The following TTC7A variants were observed in gnomAD, a reference collection of about 807,000 sequenced individuals.
TTC7A encodes tetratricopeptide repeat protein 7A.
TTC7A carries 110 observed loss-of-function variants against 103.7 expected under a neutral mutation model. The observed-to-expected ratio is 1.06, with a 90% CI of 0.91 to 1.24. The LOEUF (loss-of-function observed/expected upper bound fraction) is 1.24. TTC7A is among the 50% of genes most tolerant of loss of function. The pLI, the probability that TTC7A is intolerant of heterozygous loss-of-function variation, is 0.00. For missense variants in TTC7A, 1,340 were observed against 1,116.3 expected (o/e 1.20, Z -2.86); for synonymous variants, 521 against 467.9 (o/e 1.11, Z -1.47).
chr2:47,001,871 A>T (rs1457548462), intron 8 of TTC7A, among the ~76,000 whole-genome samples: 1 of 151,970 alleles, frequency 6.6e-6, no homozygotes, highest in East Asian at 1.9e-4. Flanking sequence ...AAAAAAAAAA[A>T]AAAAAAAAGA....
At chr2:47,068,742 T>G (rs1434552497) in intron 19 of TTC7A, 2 of 151,510 alleles carry the variant, frequency 1.3e-5, no homozygotes, top group African/African-American at 4.9e-5. Flanking sequence ...TGGGAAAACC[T>G]TAAGCTGATA....
chr2:47,042,960 TC>T (rs2104681361), intron 15 of TTC7A, among the ~76,000 whole-genome samples: 1 of 152,162 alleles, frequency 6.6e-6, no homozygotes, highest in Admixed American at 6.5e-5. Flanking sequence ...CCCCCCAGCT[TC>T]CCCCAGGAGT....
intron 18 of TTC7A, among the ~76,000 whole-genome samples, chr2:47,057,121 AGGAGCC>A (rs1683388450): frequency 6.6e-6 from 1 of 152,228 alleles, no homozygotes; most frequent in Non-Finnish European, 1.5e-5. Context: ...AGCGTCGAGC[AGGAGCC>A]GAAGGCATCT....
At chr2:46,944,935 A>G (rs1252761866) in intron 1 of TTC7A, among the ~76,000 whole-genome samples, 2 of 152,190 alleles carry the variant, frequency 1.3e-5, no homozygotes, top group African/African-American at 4.8e-5. Context: ...TAGAGTCAGG[A>G]TCCAAATTAG....
chr2:47,043,371 C>G (rs1681972633), intron 15 of TTC7A, among the ~76,000 whole-genome samples: 1 of 152,172 alleles, frequency 6.6e-6, no homozygotes, highest in African/African-American at 2.4e-5. Context: ...AGGGCGACAT[C>G]TGGTTAGGAG....
chr2:47,050,140 C>G, intron 17 of TTC7A, 94 bp downstream of exon 17: 2 of 1,080,394 alleles, frequency 1.9e-6, no homozygotes, highest in Non-Finnish European at 2.8e-6. Context: ...CGGGCCCTCT[C>G]CCAGCCGGGC....
Position 47,006,623 on chromosome 2 carries a change from ACTAT to A in TTC7A, c.1204-15_1204-12del. The A allele has an allele frequency of 6.2e-7, 1 of 1,610,726 alleles. No homozygotes were observed. Among genetic ancestry groups the A allele is most frequent in the Non-Finnish European group, 8.5e-7 (1 of 1,176,930 alleles). ...GAGGACCCCTGGTGGGTAAATGCTG[ACTAT>A]CTCCCCTCCCCAGTGCCTGGAGCGA... On this transcript the variant is annotated splice_polypyrimidine_tract_variant and intron_variant, in intron 9 of 19. Transcript: ENST00000319190.
At chr2:47,051,995 G>C (rs919344861) in intron 18 of TTC7A, 115 bp downstream of exon 18, 2 of 1,358,262 alleles carry the variant, frequency 1.5e-6, no homozygotes, top group Admixed American at 4.8e-5. Flanking sequence ...CTAGGCCCAC[G>C]CGGGTTACAG....
At chr2:46,947,957 C>A (rs1671072548) in intron 1 of TTC7A, among the ~76,000 whole-genome samples, 1 of 152,232 alleles carries the variant, frequency 6.6e-6, no homozygotes, top group South Asian at 2.1e-4. Flanking sequence ...GCACTTGGAG[C>A]AGCCTGGGTC....
At chr2:46,993,709 TC>T (rs1235744945) in intron 6 of TTC7A, among the ~76,000 whole-genome samples, 181 bp downstream of exon 6, 3 of 152,058 alleles carry the variant, frequency 2.0e-5, no homozygotes, top group African/African-American at 7.2e-5. Flanking sequence ...GCGGCCTCTT[TC>T]CCCCCGCGGC....
chr2:46,947,009 A>G (rs1671002926), intron 1 of TTC7A, among the ~76,000 whole-genome samples: 1 of 152,202 alleles, frequency 6.6e-6, no homozygotes, highest in Admixed American at 6.5e-5. Flanking sequence ...TGAAGTGTCA[A>G]TCAACAAAGT....
chr2:46,989,807 T>A (rs1336290556), intron 5 of TTC7A, among the ~76,000 whole-genome samples: 2 of 106,982 alleles, frequency 1.9e-5, no homozygotes, highest in East Asian at 4.9e-4. Flanking sequence ...TGCGTGTGTG[T>A]GTGTGTGTGC....
intron 4 of TTC7A, among the ~76,000 whole-genome samples, chr2:46,977,377 T>C (rs966588207): frequency 3.3e-5 from 5 of 152,064 alleles, no homozygotes; most frequent in African/African-American, 1.2e-4. Flanking sequence ...AAAGAGGAGG[T>C]GGATGCCTCA....
chr2:46,987,807 CGCGTGT>C (rs1675174729), intron 5 of TTC7A, among the ~76,000 whole-genome samples: 2 of 110,038 alleles, frequency 1.8e-5, no homozygotes, highest in African/African-American at 6.9e-5. Context: ...TCCCTTTCCG[CGCGTGT>C]GTGTGTGTGT....
In TTC7A at chr2:47,074,162, TGTG is replaced by T. The variant is rs767746249; in HGVS notation, c.*243_*245del. ...AACCCTAAGTGCCTTTGGAGAGTTT[TGTG>T]GTGACCAGACTTGCTCCCCAAGAGC... On this transcript the variant is annotated 3_prime_UTR_variant, in exon 20 of 20. Transcript: ENST00000319190. The T allele has an allele frequency of 2.2e-5, 12 of 557,288 alleles. No individual in the cohort carries two copies. Among genetic ancestry groups the T allele is most frequent in the Non-Finnish European group, 3.5e-5 (11 of 310,954 alleles). The allele number at this position is 557,288 out of a possible 1,614,324, so 34.5% of individuals were successfully genotyped here.
chr2:47,046,319 ATGT>A lies in TTC7A; in HGVS notation c.1809_1811del (p.Met603_Phe604delinsIle). Reference sequence around the variant, plus strand: ...GGCCACTCTCCGTCCCCACAGCCTGATGTTCACCAAGGTGAAGCTGGAGCAGGT... The same window carrying A: ...GGCCACTCTCCGTCCCCACAGCCTGATCACCAAGGTGAAGCTGGAGCAGGT... On this transcript the variant is annotated inframe_deletion, in exon 16 of 20. Coordinates refer to ENST00000319190, the MANE Select transcript of TTC7A (RefSeq NM_020458.4). 2 of 1,613,772 alleles carry A rather than the reference ATGT, an allele frequency of 1.2e-6. No individual in the cohort carries two copies. The highest frequency in any genetic ancestry group is 1.7e-6 in the Non-Finnish European group (2 of 1,179,828).
intron 1 of TTC7A, among the ~76,000 whole-genome samples, chr2:46,948,916 A>T (rs182491856): frequency 9.2e-5 from 14 of 152,312 alleles, no homozygotes; most frequent in Non-Finnish European, 1.8e-4. Flanking sequence ...ATTCCTAGGG[A>T]TGTTTTTGGA....
At chr2:47,056,492 G>A (rs759362041) in intron 18 of TTC7A, among the ~76,000 whole-genome samples, 2 of 152,206 alleles carry the variant, frequency 1.3e-5, no homozygotes, top group South Asian at 2.1e-4. Flanking sequence ...GCCAGCCTGC[G>A]GGCAAGGCCC....
chr2:46,916,715 A>T (rs1015377477), intron 1 of TTC7A: 1 of 163,464 alleles, frequency 6.1e-6, no homozygotes, highest in African/African-American at 2.4e-5. Flanking sequence ...GCTCACTGCA[A>T]CCTCCGCCTC....
Sources: allele counts gnomAD v4.1 joint callset (sites outside exome capture counted in the v4.1 genomes callset), GRCh38; gene constraint gnomAD v4.1.1; transcripts MANE v1.5; gene names NCBI Gene and HGNC (gene_info 2026-07-23, HGNC 2026-07-21).